FGG: variants seen among roughly 807,000 people sequenced by gnomAD.
FGG encodes the protein fibrinogen, gamma polypeptide.
A neutral mutation model predicts 51.7 loss-of-function variants in FGG; 20 were observed. The ratio of observed to expected loss-of-function variants is 0.39; its 90% CI spans 0.27 to 0.56. FGG has a LOEUF of 0.56. FGG is among the 20% of genes least tolerant of loss of function. FGG has a pLI of 0.64. For synonymous variants in FGG, 184 were observed against 184.7 expected (o/e 1.00, Z 0.03); for missense variants, 460 against 534.2 (o/e 0.86, Z 1.37).
At chr4:154,611,411 A>G (rs1731208606) in intron 4 of FGG, 1 of 171,768 alleles carries the variant, frequency 5.8e-6, no homozygotes, top group African/African-American at 2.4e-5. Context: ...AATCCTTACT[A>G]TGCCTCTGCT....
intron 2 of FGG, 26 bp from the exon 3 acceptor site, chr4:154,612,227 T>C (rs750174497): frequency 5.0e-6 from 8 of 1,605,296 alleles, no homozygotes; most frequent in Non-Finnish European, 6.8e-6. Context: ...TGATTAAAAA[T>C]GTAGACAGAT....
intron 8 of FGG, among the ~76,000 whole-genome samples, chr4:154,606,305 A>G (rs1297929599): frequency 6.6e-6 from 1 of 152,160 alleles, no homozygotes; most frequent in Non-Finnish European, 1.5e-5. Context: ...TCCTCCAAAC[A>G]CCTGTTCACT....
At chr4:154,611,530 T>C in intron 4 of FGG, 1 of 247,046 alleles carries the variant, frequency 4.0e-6, no homozygotes, top group Non-Finnish European at 7.7e-6. Context: ...AAATGGGGGA[T>C]GGGGAAAAAA....
At chr4:154,611,731 C>T (rs1731214999) in intron 4 of FGG, 74 bp downstream of exon 4, 24 of 982,988 alleles carry the variant, frequency 2.4e-5, no homozygotes, top group Non-Finnish European at 3.4e-5. Flanking sequence ...TTAAAAATTA[C>T]TTTCACTCAA....
Position 154,611,889 on chromosome 4 carries a change from T to A in FGG, c.317A>T (p.Asp106Val), listed in dbSNP as rs1225783222. The A allele has an allele frequency of 1.2e-6, 2 of 1,610,984 alleles. No homozygotes were observed. The highest frequency in any genetic ancestry group is 1.7e-6 in the Non-Finnish European group (2 of 1,178,292). The change falls in exon 4 of 9, where the codon GAC (aspartate) becomes GTC (valine). Residue 106 changes from aspartate to valine, a missense_variant. Physicochemically the swap from Asp to Val is radical, Grantham distance 152. Transcript: ENST00000336098. Reference protein sequence around the residue: ...PDESSKPNMIDAATLKSRKML... With the variant: ...PDESSKPNMIVAATLKSRKML... ...TTTCCTGGACTTCAAAGTAGCAGCG[T>A]CTATCATATCTGTAATATAGGATCA...
intron 4 of FGG, among the ~76,000 whole-genome samples, chr4:154,610,571 A>C (rs1011026255): frequency 3.5e-4 from 53 of 152,294 alleles, no homozygotes; most frequent in African/African-American, 1.2e-3. Context: ...AGCAGATAGC[A>C]ACCTGCAAGA....
chr4:154,607,030 T>C (rs773625205), intron 7 of FGG, 48 bp from the exon 8 acceptor site: 1 of 1,506,610 alleles, frequency 6.6e-7, no homozygotes, highest in Admixed American at 2.2e-5. Flanking sequence ...TCCTCAGGGA[T>C]CTCAGAAGTT....
intron 4 of FGG, among the ~76,000 whole-genome samples, chr4:154,610,940 A>G (rs1286126756): frequency 2.6e-5 from 4 of 152,130 alleles, no homozygotes; most frequent in Non-Finnish European, 5.9e-5. Context: ...TCTTTGAAGT[A>G]AAAAAGGGTA....
chr4:154,604,650 T>G lies in FGG; in HGVS notation c.*184A>C, dbSNP rs1731063146. On this transcript the variant is annotated 3_prime_UTR_variant, in exon 9 of 9. Coordinates refer to ENST00000336098, the MANE Select transcript of FGG (RefSeq NM_021870.3). ...AAATGTTATCTCCTCAAATAAACAA[T>G]TTTTAAATAACTCTGATATCAGTAA... 7.3e-7 allele frequency: 1 copy of G among 1,377,944 alleles called. No homozygotes were observed. Among genetic ancestry groups the G allele is most frequent in the African/African-American group, 1.5e-5 (1 of 68,480 alleles). 85.4% of individuals were successfully genotyped at this position (1,377,944 alleles called of 1,614,324 possible).
rs1208300674 is a variant in FGG at position 154,604,668 on chromosome 4, A to G, written c.*166T>C. 2.1e-6 allele frequency: 3 copies of G among 1,416,308 alleles called. No homozygotes were observed. The highest frequency in any genetic ancestry group is 2.8e-5 in the Admixed American group (1 of 35,138). The allele number at this position is 1,416,308 out of a possible 1,614,324, so 87.7% of individuals were successfully genotyped here. A position where few individuals can be genotyped will look rare whatever the true frequency, so the allele number is the denominator to read the frequency against. ...TAAACAATTTTTAAATAACTCTGAT[A>G]TCAGTAATTTGGAAATACAGTCCTA... On this transcript the variant is annotated 3_prime_UTR_variant, in exon 9 of 9. Coordinates refer to ENST00000336098, the MANE Select transcript of FGG (RefSeq NM_021870.3).
chr4:154,610,158 A>G lies in FGG; in HGVS notation c.441T>C (p.Ile147=), dbSNP rs780356631. 1.4e-5 allele frequency: 23 copies of G among 1,599,676 alleles called. No individual in the cohort carries two copies. Among genetic ancestry groups the G allele is most frequent in the Non-Finnish European group, 2.0e-5 (23 of 1,167,094 alleles). Residue 147 remains isoleucine (I), a synonymous_variant, in exon 5 of 9, where the codon ATT becomes ATC. Coordinates refer to ENST00000336098, the MANE Select transcript of FGG (RefSeq NM_021870.3). ...GGGCTACCTTCTCTTTCAGGTTAACAATCTTTTGATTATTTGAATTATATA... is the reference window on the plus strand; with the variant it reads ...GGGCTACCTTCTCTTTCAGGTTAACGATCTTTTGATTATTTGAATTATATA... ...QEIYNSNNQK[I]VNLKEKVAQL...
At position 154,610,177 on chromosome 4, in the gene FGG, T is replaced by G; in HGVS notation, c.422A>C (p.Asn141Thr). ...SSIRYLQEIY[N>T]SNNQKIVNLK... ...GTTAACAATCTTTTGATTATTTGAA[T>G]TATATATTTCCTGCAAATATCTACA... Residue 141 changes from asparagine (N) to threonine (T), a missense_variant, in exon 5 of 9, where the codon AAT becomes ACT. Coordinates refer to ENST00000336098, the MANE Select transcript of FGG (RefSeq NM_021870.3). The G allele has an allele frequency of 6.3e-7, 1 of 1,588,014 alleles. No individual in the cohort carries two copies. The highest frequency in any genetic ancestry group is 8.6e-7 in the Non-Finnish European group (1 of 1,156,424).
At chr4:154,605,094 A>T in intron 8 of FGG, 28 bp from the exon 9 acceptor site, 20 of 1,613,340 alleles carry the variant, frequency 1.2e-5, no homozygotes, top group Non-Finnish European at 1.6e-5. Context: ...TGTACATATC[A>T]TTATTCTGGA....
At chr4:154,612,489 C>T (rs755270054) in intron 1 of FGG, 43 bp downstream of exon 1, 25 of 1,613,536 alleles carry the variant, frequency 1.5e-5, no homozygotes, top group Non-Finnish European at 2.1e-5. Flanking sequence ...TTTTATTTTC[C>T]AGCTTTCCAT....
chr4:154,609,694 T>A lies in FGG; in HGVS notation c.602A>T (p.Asn201Ile). The change falls in exon 6 of 9, where the codon AAC becomes ATC. Residue 201 changes from asparagine (N) to isoleucine (I), a missense_variant. Coordinates refer to ENST00000336098, the MANE Select transcript of FGG (RefSeq NM_021870.3). ...TTCACAGTAGACTAAGAATTGCTGG[T>A]TAGCTTTCAGAGGTTTAATAAAGTA... ...GLYFIKPLKA[N>I]QQFLVYCEID... 1 of 1,614,006 alleles carries A rather than the reference T, an allele frequency of 6.2e-7. No individual in the cohort carries two copies.
At chr4:154,606,596 C>T in intron 8 of FGG, 109 bp downstream of exon 8, 6 of 1,228,744 alleles carry the variant, frequency 4.9e-6, no homozygotes, top group Non-Finnish European at 5.7e-6. Context: ...ATGATAAAAT[C>T]CCTACTATCT....
chr4:154,608,313 C>T (rs1309636880), intron 7 of FGG, among the ~76,000 whole-genome samples, 153 bp downstream of exon 7: 1 of 152,094 alleles, frequency 6.6e-6, no homozygotes, highest in Non-Finnish European at 1.5e-5. Flanking sequence ...TTTTGGATTG[C>T]CCAAGAACCA....
rs1191222076 is a variant in FGG, at chr4:154,604,318, A to C, written c.*516T>G. Reference sequence around the variant, plus strand: ...TTCAGATAAAGTCCTTTAAAAAAGTAAATCTCTTTTGAAACGGTCTTTTAA... The same window carrying C: ...TTCAGATAAAGTCCTTTAAAAAAGTCAATCTCTTTTGAAACGGTCTTTTAA... On this transcript the variant is annotated 3_prime_UTR_variant, in exon 9 of 9. Transcript: ENST00000336098. 6.6e-7 allele frequency: 1 copy of C among 1,512,274 alleles called. No homozygotes were observed. The allele number at this position is 1,512,274 out of a possible 1,614,324, so 93.7% of individuals were successfully genotyped here. A position where few individuals can be genotyped will look rare whatever the true frequency, so the allele number is the denominator to read the frequency against.
At chr4:154,608,157 T>G (rs1365888871) in intron 7 of FGG, among the ~76,000 whole-genome samples, 1 of 152,222 alleles carries the variant, frequency 6.6e-6, no homozygotes, top group Non-Finnish European at 1.5e-5. Flanking sequence ...CTTCATGAAA[T>G]AGTAATTTAG....
Sources: gnomAD v4.1 joint callset for allele counts (sites outside exome capture counted in the v4.1 genomes callset) on GRCh38, gnomAD v4.1.1 for gene constraint, MANE v1.5 for transcripts, NCBI Gene and HGNC (gene_info 2026-07-23, HGNC 2026-07-21) for gene names.